SCAPER: variants seen among roughly 807,000 people sequenced by gnomAD.
SCAPER encodes S-phase cyclin A associated protein in the ER, also known as S phase cyclin A-associated protein in the endoplasmic reticulum.
A neutral mutation model predicts 182.2 loss-of-function variants in SCAPER; 98 were observed. That is an observed-to-expected ratio of 0.54 (90% CI 0.46 to 0.64). The LOEUF is 0.64. SCAPER is among the 30% of genes least tolerant of loss of function. SCAPER has a pLI of 0.00. For synonymous variants in SCAPER, 605 were observed against 564.6 expected, an observed-to-expected ratio of 1.07 and a Z score of -1.01; for missense variants, 1,432 against 1,690.0, an observed-to-expected ratio of 0.85 and a Z score of 2.68.
intron 30 of SCAPER, 105 bp from the exon 31 acceptor site, chr15:76,351,393 A>C: frequency 6.4e-6 from 6 of 938,394 alleles, no homozygotes; most frequent in Non-Finnish European, 9.2e-6. Flanking sequence ...CTTTTGTATG[A>C]ATATTTTGGG....
At chr15:76,689,509 T>C (rs185483734) in intron 20 of SCAPER, among the ~76,000 whole-genome samples, 15 of 152,142 alleles carry the variant, frequency 9.9e-5, no homozygotes, top group African/African-American at 3.4e-4. Context: ...ATATCAATTA[T>C]TGACTCAAGA....
chr15:76,831,143 T>G (rs902437167), intron 5 of SCAPER, among the ~76,000 whole-genome samples: 2 of 152,124 alleles, frequency 1.3e-5, no homozygotes, highest in Non-Finnish European at 2.9e-5. Flanking sequence ...CTATGGAGCA[T>G]GGCCATGGGC....
chr15:76,623,026 T>C (rs2052237861), intron 21 of SCAPER, among the ~76,000 whole-genome samples: 1 of 152,196 alleles, frequency 6.6e-6, no homozygotes, highest in Non-Finnish European at 1.5e-5. Flanking sequence ...ATTTTTTATG[T>C]CTCTTGGCTG....
intron 23 of SCAPER, among the ~76,000 whole-genome samples, chr15:76,525,741 T>A (rs2043150699): frequency 6.6e-6 from 1 of 152,242 alleles, no homozygotes; most frequent in Admixed American, 6.5e-5. Flanking sequence ...TACCACATTT[T>A]CTTTATTCAA....
At chr15:76,794,940 T>C (rs2065224925) in intron 8 of SCAPER, among the ~76,000 whole-genome samples, 1 of 152,202 alleles carries the variant, frequency 6.6e-6, no homozygotes, top group South Asian at 2.1e-4. Context: ...AGTAGTAACA[T>C]GCTACTTAAA....
chr15:76,904,430 G>A (rs1369504720), intron 1 of SCAPER, among the ~76,000 whole-genome samples: 1 of 152,132 alleles, frequency 6.6e-6, no homozygotes, highest in Non-Finnish European at 1.5e-5. Flanking sequence ...TATTTTCATG[G>A]AAAATAACTT....
At chr15:76,829,437 T>C (rs1395550623) in intron 5 of SCAPER, among the ~76,000 whole-genome samples, 5 of 152,184 alleles carry the variant, frequency 3.3e-5, no homozygotes, top group Admixed American at 1.3e-4. Context: ...ACACTATCTA[T>C]AGAGAATCCA....
chr15:76,804,485 A>G (rs754131096), intron 6 of SCAPER, 48 bp downstream of exon 6: 5 of 1,283,154 alleles, frequency 3.9e-6, no homozygotes, highest in Non-Finnish European at 5.5e-6. Context: ...AGTGATTGCT[A>G]TTGAAACTGC....
intron 19 of SCAPER, 99 bp downstream of exon 19, chr15:76,702,751 C>T (rs766676154): frequency 3.1e-5 from 44 of 1,400,288 alleles, no homozygotes; most frequent in Non-Finnish European, 4.1e-5. Context: ...ATCTCGCCTG[C>T]CTTAGCGTGA....
Position 76,876,109 on chromosome 15 carries a change from C to T in SCAPER, c.6+7703G>A, listed in dbSNP as rs1285157585. 1.1e-4 allele frequency among the ~76,000 whole-genome samples: 17 copies of T among 152,134 alleles called. No individual in the cohort carries two copies. The South Asian group carries it at 2.5e-3, about 22-fold the overall frequency. ...TCACTGCCCGGGGCCACTCCGAGTA[C>T]AGGAGCCCGCCAAGCCCACGCCCAT... On this transcript the variant is annotated intron_variant, in intron 2 of 31. Coordinates refer to ENST00000563290, the MANE Select transcript of SCAPER (RefSeq NM_020843.4).
chr15:76,872,433 T>C (rs1334364121), intron 2 of SCAPER, among the ~76,000 whole-genome samples: 3 of 151,316 alleles, frequency 2.0e-5, no homozygotes, highest in Non-Finnish European at 2.9e-5. Flanking sequence ...ACAAAGAAAA[T>C]CTTAACAGTG....
intron 14 of SCAPER, 72 bp from the exon 15 acceptor site, chr15:76,754,020 A>C: frequency 6.7e-7 from 1 of 1,488,120 alleles, no homozygotes; most frequent in South Asian, 1.2e-5. Flanking sequence ...AAACAAGTAA[A>C]TGGCTTATGA....
intron 23 of SCAPER, among the ~76,000 whole-genome samples, chr15:76,524,862 A>G (rs17462564): frequency 0.05 from 7,657 of 152,130 alleles, 273 homozygotes; most frequent in Middle Eastern, 0.096. Flanking sequence ...AACCATTCAA[A>G]TAATCCATTG....
chr15:76,453,872 G>A (rs144259108), intron 25 of SCAPER, among the ~76,000 whole-genome samples: 98 of 152,256 alleles, frequency 6.4e-4, no homozygotes, highest in African/African-American at 2.2e-3. Context: ...AGAATGATCC[G>A]AGATACAGGT....
Position 76,598,855 on chromosome 15 carries a change from C to T in SCAPER, c.2711+22909G>A, listed in dbSNP as rs868568329. ...TAGGAGAACTACCTAATGTAGATGACGGGTTGATGGGTGCAGCATGGCACA... is the reference window on the plus strand; with the variant it reads ...TAGGAGAACTACCTAATGTAGATGATGGGTTGATGGGTGCAGCATGGCACA... On this transcript the variant is annotated intron_variant, in intron 22 of 31. Transcript: ENST00000563290. Among the ~76,000 whole-genome samples the T allele has an allele frequency of 7.6e-5, 9 of 118,266 alleles. No homozygotes were observed. The East Asian group carries it at 1.8e-3, about 24-fold the overall frequency. The allele number at this position is 118,266 out of a possible 152,430, so 77.6% of individuals were successfully genotyped here.
At chr15:76,675,154 T>C (rs1188857562) in intron 20 of SCAPER, among the ~76,000 whole-genome samples, 1 of 152,226 alleles carries the variant, frequency 6.6e-6, no homozygotes, top group Admixed American at 6.5e-5. Flanking sequence ...TTATGTATGT[T>C]TTAAATTCAC....
intron 27 of SCAPER, among the ~76,000 whole-genome samples, chr15:76,404,258 G>A (rs28528891): frequency 0.019 from 2,894 of 152,084 alleles, 82 homozygotes; most frequent in African/African-American, 0.059. Context: ...AGTGGAAGAG[G>A]GACTGGATGA....
chr15:76,777,415 G>C (rs2063807898), intron 8 of SCAPER, among the ~76,000 whole-genome samples: 1 of 152,148 alleles, frequency 6.6e-6, no homozygotes, highest in African/African-American at 2.4e-5. Flanking sequence ...AAGAAGGTTT[G>C]AGGCCAGGGG....
intron 22 of SCAPER, among the ~76,000 whole-genome samples, chr15:76,587,837 T>G (rs1171127325): frequency 6.6e-6 from 1 of 152,214 alleles, no homozygotes; most frequent in Non-Finnish European, 1.5e-5. Flanking sequence ...GTTGACTTTC[T>G]GTCTTGATGA....
Sources: allele counts gnomAD v4.1 joint callset (sites outside exome capture counted in the v4.1 genomes callset), GRCh38; gene constraint gnomAD v4.1.1; transcripts MANE v1.5; gene names NCBI Gene and HGNC (gene_info 2026-07-23, HGNC 2026-07-21).